Variants in RAB7A observed in about 807,000 individuals in gnomAD.
RAB7A encodes the protein RAB7A, member RAS oncogene family, also known as ras-related protein Rab-7a.
In RAB7A, 2 loss-of-function variants were observed where a neutral mutation model predicts 24.5. The observed-to-expected ratio is 0.08, with a 90% CI of 0.03 to 0.26. RAB7A has a LOEUF of 0.26. Among genes scored for constraint, RAB7A ranks in the 10% least tolerant of loss-of-function variants. The pLI is 1.00. For synonymous variants in RAB7A, 100 were observed against 95.9 expected, an observed-to-expected ratio of 1.04 and a Z score of -0.25; for missense variants, 118 against 255.7, an observed-to-expected ratio of 0.46 and a Z score of 3.67.
At chr3:128,792,960 C>G (rs1429039968) in intron 1 of RAB7A, among the ~76,000 whole-genome samples, 1 of 152,098 alleles carries the variant, frequency 6.6e-6, no homozygotes, top group Admixed American at 6.5e-5. Flanking sequence ...AAACGATTCT[C>G]CTGCCTCAGC....
At chr3:128,770,896 T>TTGG (rs1226422821) in intron 1 of RAB7A, among the ~76,000 whole-genome samples, 3 of 152,274 alleles carry the variant, frequency 2.0e-5, no homozygotes, top group African/African-American at 7.2e-5. Context: ...ATTTGGGAAC[T>TTGG]GATTGCTTGT....
intron 5 of RAB7A, among the ~76,000 whole-genome samples, chr3:128,809,966 T>TTTTTTC (rs1933891688): frequency 8.7e-6 from 1 of 115,038 alleles, no homozygotes; most frequent in Non-Finnish European, 1.8e-5. Context: ...TTTTTTTTTT[T>TTTTTTC]GAGACGGAGT....
At chr3:128,764,640 AT>A in intron 1 of RAB7A, 1 of 1,052,230 alleles carries the variant, frequency 9.5e-7, no homozygotes, top group Non-Finnish European at 1.5e-6. Context: ...AATGGGGGTC[AT>A]TTTTGTCAGT....
chr3:128,787,762 G>C (rs1050271015), intron 1 of RAB7A, among the ~76,000 whole-genome samples: 4 of 152,224 alleles, frequency 2.6e-5, no homozygotes, highest in African/African-American at 9.7e-5. Flanking sequence ...CCAGGCTGGA[G>C]GGCAGTGGAG....
intron 2 of RAB7A, among the ~76,000 whole-genome samples, chr3:128,796,095 G>C (rs953709733): frequency 2.0e-5 from 3 of 152,174 alleles, no homozygotes; most frequent in Non-Finnish European, 4.4e-5. Flanking sequence ...TCCTGCTGCT[G>C]TGCCTGCTTC....
At chr3:128,794,746 GAGT>G (rs908078104) in intron 1 of RAB7A, among the ~76,000 whole-genome samples, 11 of 152,130 alleles carry the variant, frequency 7.2e-5, no homozygotes, top group African/African-American at 1.9e-4. Flanking sequence ...TTCTGGAAAA[GAGT>G]AGTCACTAGA....
At chr3:128,779,043 C>G (rs148678268) in intron 1 of RAB7A, among the ~76,000 whole-genome samples, 1,818 of 152,266 alleles carry the variant, frequency 0.012, 32 homozygotes, top group African/African-American at 0.039. Context: ...AGTGTTTGGG[C>G]AGAAACCAGG....
At chr3:128,766,154 T>C (rs1375495454) in intron 1 of RAB7A, among the ~76,000 whole-genome samples, 2 of 152,200 alleles carry the variant, frequency 1.3e-5, no homozygotes, top group Non-Finnish European at 1.5e-5. Context: ...GCAGCCCCTC[T>C]ACTTAGATGT....
chr3:128,787,899 G>A (rs992127501), intron 1 of RAB7A, among the ~76,000 whole-genome samples: 4 of 152,196 alleles, frequency 2.6e-5, no homozygotes, highest in African/African-American at 4.8e-5. Context: ...ATTTTGTAGC[G>A]ACTGGGTTTC....
chr3:128,735,789 A>C (rs2070485229), intron 1 of RAB7A, among the ~76,000 whole-genome samples: 1 of 152,166 alleles, frequency 6.6e-6, no homozygotes, highest in Admixed American at 6.5e-5. Flanking sequence ...TTGATATCAA[A>C]CTATCGAAGA....
Position 128,795,342 on chromosome 3 carries a change from C to G in RAB7A, c.-8-18C>G. ...GTTTCCATCACACTCACAGTGATTTCTCCTTTTCCCCCTTTAGTTTGAAGG... is the reference window on the plus strand; with the variant it reads ...GTTTCCATCACACTCACAGTGATTTGTCCTTTTCCCCCTTTAGTTTGAAGG... On this transcript the variant is annotated intron_variant, in intron 1 of 5. Coordinates refer to ENST00000265062, the MANE Select transcript of RAB7A (RefSeq NM_004637.6). 6.2e-7 allele frequency: 1 copy of G among 1,603,314 alleles called. No homozygotes were observed. The highest frequency in any genetic ancestry group is 8.5e-7 in the Non-Finnish European group (1 of 1,170,174).
intron 1 of RAB7A, among the ~76,000 whole-genome samples, chr3:128,747,626 A>G (rs1030785971): frequency 1.3e-5 from 2 of 151,712 alleles, no homozygotes; most frequent in Non-Finnish European, 2.9e-5. Context: ...AAATGAAATG[A>G]AAAGAAAATG....
At chr3:128,810,921 G>T (rs1933911067) in intron 5 of RAB7A, among the ~76,000 whole-genome samples, 1 of 152,274 alleles carries the variant, frequency 6.6e-6, no homozygotes, top group Non-Finnish European at 1.5e-5. Flanking sequence ...TGGCGTGGTG[G>T]TGGGCACCTG....
At chr3:128,804,100 A>G (rs1034294052) in intron 3 of RAB7A, among the ~76,000 whole-genome samples, 13 of 151,136 alleles carry the variant, frequency 8.6e-5, no homozygotes, top group African/African-American at 3.2e-4. Flanking sequence ...TCATGGGGCT[A>G]GGGACCTCCC....
intron 1 of RAB7A, among the ~76,000 whole-genome samples, chr3:128,733,906 A>G (rs1282771278): frequency 6.6e-6 from 1 of 152,228 alleles, no homozygotes; most frequent in Non-Finnish European, 1.5e-5. Flanking sequence ...TTCTTCCACC[A>G]GCAGTATATA....
chr3:128,789,476 G>A (rs1032759320), intron 1 of RAB7A, among the ~76,000 whole-genome samples: 2 of 151,294 alleles, frequency 1.3e-5, no homozygotes, highest in Non-Finnish European at 2.9e-5. Context: ...GTTATTACAG[G>A]TGTGTTTCAC....
chr3:128,749,798 ACG>A (rs1465134090), intron 1 of RAB7A, among the ~76,000 whole-genome samples: 3 of 152,246 alleles, frequency 2.0e-5, no homozygotes, highest in African/African-American at 7.2e-5. Flanking sequence ...TTCCCCAGCC[ACG>A]TGGAACTATA....
chr3:128,737,102 ATCTTGGCT>A (rs2070496957), intron 1 of RAB7A, among the ~76,000 whole-genome samples: 1 of 148,122 alleles, frequency 6.8e-6, no homozygotes. Flanking sequence ...CAGTGGCGCG[ATCTTGGCT>A]CACTGCAAGC....
intron 3 of RAB7A, among the ~76,000 whole-genome samples, 189 bp from the exon 4 acceptor site, chr3:128,806,183 C>A (rs1933799245): frequency 6.6e-6 from 1 of 152,218 alleles, no homozygotes; most frequent in South Asian, 2.1e-4. Context: ...CAGACACATA[C>A]TTAATCACAA....
Sources: gnomAD v4.1 joint callset for allele counts (sites outside exome capture counted in the v4.1 genomes callset) on GRCh38, gnomAD v4.1.1 for gene constraint, MANE v1.5 for transcripts, NCBI Gene and HGNC (gene_info 2026-07-23, HGNC 2026-07-21) for gene names.